Variants in METAP2 observed in about 807,000 individuals in gnomAD.
The protein encoded by METAP2 is methionine aminopeptidase 2.
A neutral mutation model predicts 59.4 loss-of-function variants in METAP2; 25 were observed. That is an observed-to-expected ratio of 0.42 (90% CI 0.31 to 0.59). The LOEUF (loss-of-function observed/expected upper bound fraction) is 0.59. METAP2 is among the 20% of genes least tolerant of loss of function. The pLI is 0.16. For missense variants in METAP2, 366 were observed against 581.2 expected (o/e 0.63, Z 3.81); for synonymous variants, 214 against 194.1 (o/e 1.10, Z -0.85).
chr12:95,502,722 T>G (rs2076325703), intron 7 of METAP2, among the ~76,000 whole-genome samples: 1 of 152,106 alleles, frequency 6.6e-6, no homozygotes, highest in South Asian at 2.1e-4. Context: ...GTATACTTGA[T>G]ATACAGGTCC....
chr12:95,512,781 G>GC lies in METAP2; in HGVS notation c.1069-20_1069-19insC, dbSNP rs2076413065. On this transcript the variant is annotated intron_variant, in intron 9 of 10. Transcript: ENST00000323666. Reference sequence around the variant, plus strand: ...GAATTTTTCTTCTTTCTCTCCCCTTGACCCTTATTTATTTTTCAGGAAGGA... The same window carrying GC: ...GAATTTTTCTTCTTTCTCTCCCCTTGCACCCTTATTTATTTTTCAGGAAGGA... 7.4e-7 allele frequency: 1 copy of GC among 1,351,232 alleles called. No individual in the cohort carries two copies. Among genetic ancestry groups the GC allele is most frequent in the East Asian group, 2.3e-5 (1 of 43,434 alleles). 83.7% of individuals were successfully genotyped at this position (1,351,232 alleles called of 1,614,324 possible). A position where few individuals can be genotyped will look rare whatever the true frequency, so the allele number is the denominator to read the frequency against.
intron 8 of METAP2, among the ~76,000 whole-genome samples, chr12:95,511,307 A>G (rs768323738): frequency 6.6e-6 from 1 of 150,944 alleles, no homozygotes; most frequent in African/African-American, 2.4e-5. Flanking sequence ...TGTTGTTAAC[A>G]GTACCTCCTT....
At chr12:95,509,157 A>G (rs1244291372) in intron 8 of METAP2, among the ~76,000 whole-genome samples, 1 of 152,156 alleles carries the variant, frequency 6.6e-6, no homozygotes, top group Non-Finnish European at 1.5e-5. Context: ...ATTCCCCTGT[A>G]CCCTCATTTT....
intron 2 of METAP2, among the ~76,000 whole-genome samples, chr12:95,482,822 G>T (rs2076168780): frequency 6.6e-6 from 1 of 152,084 alleles, no homozygotes; most frequent in African/African-American, 2.4e-5. Context: ...TGGCAATTTT[G>T]ACCAAAAATG....
At chr12:95,484,744 G>C in intron 3 of METAP2, 1 of 400,112 alleles carries the variant, frequency 2.5e-6, no homozygotes, top group Non-Finnish European at 4.8e-6. Flanking sequence ...AAGGATAATT[G>C]TGTTTTTTTC....
At chr12:95,511,434 C>T (rs1287886343) in intron 8 of METAP2, among the ~76,000 whole-genome samples, 1 of 141,480 alleles carries the variant, frequency 7.1e-6, no homozygotes, top group Non-Finnish European at 1.5e-5. Flanking sequence ...TGCTTTCGCC[C>T]AGGCTGAAGT....
At chr12:95,477,539 A>G (rs1565773516) in intron 2 of METAP2, among the ~76,000 whole-genome samples, 2 of 152,348 alleles carry the variant, frequency 1.3e-5, no homozygotes, top group Admixed American at 1.3e-4. Context: ...AGCAACTGCT[A>G]ATTGATGTTA....
At chr12:95,505,795 C>CT (rs909584067) in intron 8 of METAP2, among the ~76,000 whole-genome samples, 2 of 150,292 alleles carry the variant, frequency 1.3e-5, no homozygotes, top group African/African-American at 4.9e-5. Context: ...GTGCCCAACT[C>CT]TTTTTTTAGA....
Position 95,515,753 on chromosome 12 carries a change from T to C in METAP2, c.*1849T>C, listed in dbSNP as rs2076443618. ...CCATGTATCTCTTAAAATTTTGTTA[T>C]GTTTACAACGATGTACCTTATTGGC... On this transcript the variant is annotated 3_prime_UTR_variant, in exon 11 of 11. Transcript: ENST00000323666. 1 of 152,236 alleles carries C rather than the reference T, an allele frequency of 6.6e-6. No homozygotes were observed. Among genetic ancestry groups the C allele is most frequent in the Admixed American group, 6.5e-5 (1 of 15,282 alleles). 9.4% of individuals were successfully genotyped at this position (152,236 alleles called of 1,614,324 possible).
At chr12:95,486,252 C>T (rs567046568) in intron 4 of METAP2, among the ~76,000 whole-genome samples, 1 of 150,966 alleles carries the variant, frequency 6.6e-6, no homozygotes, top group Admixed American at 6.7e-5. Context: ...TTTCACCTCT[C>T]TTGAAATTTG....
intron 2 of METAP2, among the ~76,000 whole-genome samples, chr12:95,480,276 A>G (rs1046140995): frequency 2.6e-5 from 4 of 152,200 alleles, no homozygotes; most frequent in African/African-American, 9.6e-5. Flanking sequence ...TTACCCTTTT[A>G]CATTGAACAA....
intron 8 of METAP2, among the ~76,000 whole-genome samples, chr12:95,507,747 A>G (rs941833338): frequency 2.6e-5 from 4 of 151,812 alleles, no homozygotes; most frequent in African/African-American, 4.8e-5. Flanking sequence ...TAAAAATCAT[A>G]GCATTAGATA....
At chr12:95,489,126 TTC>T (rs1398790621) in intron 4 of METAP2, among the ~76,000 whole-genome samples, 27 of 152,310 alleles carry the variant, frequency 1.8e-4, no homozygotes, top group African/African-American at 6.3e-4. Flanking sequence ...TCAATCCCGT[TTC>T]TGTTTCTTTA....
chr12:95,482,936 T>C (rs1013081141), intron 2 of METAP2, among the ~76,000 whole-genome samples: 1 of 152,194 alleles, frequency 6.6e-6, no homozygotes, highest in African/African-American at 2.4e-5. Context: ...TTTTTTAGTG[T>C]TGGAGTCTCA....
intron 2 of METAP2, chr12:95,482,290 T>G: frequency 2.7e-6 from 1 of 365,830 alleles, no homozygotes; most frequent in South Asian, 2.0e-5. Flanking sequence ...TTTTTGTACT[T>G]TTAGTAGAGA....
rs114422525 is a variant in METAP2, at chr12:95,485,694, C to T, written c.326-185C>T. ...CTGAGGAGTTAAAAATTTCTTTTTC[C>T]CAAGCAGCAATAAATCATTGAGGAG... On this transcript the variant is annotated intron_variant, in intron 3 of 10. Coordinates refer to ENST00000323666, the MANE Select transcript of METAP2 (RefSeq NM_006838.4). 1.1e-3 allele frequency: 545 copies of T among 474,102 alleles called. 4 individuals are homozygous for T. Among genetic ancestry groups the T allele is most frequent in the African/African-American group, 0.01 (501 of 48,970 alleles). 29.4% of individuals were successfully genotyped at this position (474,102 alleles called of 1,614,324 possible).
At chr12:95,491,048 G>A (rs2076234090) in intron 4 of METAP2, among the ~76,000 whole-genome samples, 2 of 146,368 alleles carry the variant, frequency 1.4e-5, no homozygotes, top group Non-Finnish European at 3.0e-5. Context: ...TAGTTTTATT[G>A]TGTTTGACCT....
intron 4 of METAP2, among the ~76,000 whole-genome samples, chr12:95,487,026 A>C (rs1370689092): frequency 6.6e-6 from 1 of 152,242 alleles, no homozygotes; most frequent in Non-Finnish European, 1.5e-5. Context: ...GCAAGTAATT[A>C]TCACATCTGT....
At chr12:95,474,877 G>T (rs901840058) in intron 1 of METAP2, among the ~76,000 whole-genome samples, 1 of 152,140 alleles carries the variant, frequency 6.6e-6, no homozygotes, top group African/African-American at 2.4e-5. Context: ...TTGCCCGCGC[G>T]CTCATGTCAT....
Sources: gnomAD v4.1 joint callset for allele counts (sites outside exome capture counted in the v4.1 genomes callset) on GRCh38, gnomAD v4.1.1 for gene constraint, MANE v1.5 for transcripts, NCBI Gene and HGNC (gene_info 2026-07-23, HGNC 2026-07-21) for gene names.